The following SORBS3 variants were observed in gnomAD, a reference collection of about 807,000 sequenced individuals.
SORBS3 encodes sorbin and SH3 domain containing 3.
A neutral mutation model predicts 98.0 loss-of-function variants in SORBS3; 69 were observed. The ratio of observed to expected loss-of-function variants is 0.70; its 90% CI spans 0.58 to 0.86. The LOEUF (loss-of-function observed/expected upper bound fraction) is 0.86, where lower values mean the gene tolerates loss of function less well. Among genes scored for constraint, SORBS3 ranks in the 40% least tolerant of loss-of-function variants. The probability of loss-of-function intolerance (pLI) is 0.00; values close to 1 mark genes in which losing one functional copy is unlikely to be tolerated. For synonymous variants in SORBS3, 394 were observed against 355.4 expected, an observed-to-expected ratio of 1.11 and a Z score of -1.22; for missense variants, 954 against 908.5, an observed-to-expected ratio of 1.05 and a Z score of -0.64.
intron 5 of SORBS3, 139 bp from the exon 6 acceptor site, chr8:22,561,196 C>G (rs1840287485): frequency 3.8e-6 from 3 of 795,960 alleles, no homozygotes; most frequent in African/African-American, 3.5e-5. Context: ...CCTTCCCTCC[C>G]TTGGGACATT....
chr8:22,551,846 C>A (rs993439037), upstream of SORBS3: 5 of 985,688 alleles, frequency 5.1e-6, no homozygotes, highest in East Asian at 5.7e-4. This position sits in a 1 kb window ranked among gnomAD's most constrained non-coding sequence, Gnocchi z 5.8. Context: ...CGGCCTCCCT[C>A]TTCCTGCGCC....
intron 20 of SORBS3, chr8:22,573,511 T>A: frequency 2.3e-6 from 1 of 435,484 alleles, no homozygotes; most frequent in Non-Finnish European, 4.6e-6. Context: ...CACAGGCACA[T>A]CTCAAGTGCC....
chr8:22,574,824 A>G lies in SORBS3; in HGVS notation c.*96A>G. On this transcript the variant is annotated 3_prime_UTR_variant, in exon 21 of 21. Coordinates refer to ENST00000240123, the MANE Select transcript of SORBS3 (RefSeq NM_005775.5). Reference sequence around the variant, plus strand: ...ACCCCCGCCCACATCCTCCTTCCCCAGGACCTGAGCTCCCAGCATCTGCAG... The same window carrying G: ...ACCCCCGCCCACATCCTCCTTCCCCGGGACCTGAGCTCCCAGCATCTGCAG... 1 of 1,222,092 alleles carries G rather than the reference A, an allele frequency of 8.2e-7. No homozygotes were observed. The highest frequency in any genetic ancestry group is 1.2e-6 in the Non-Finnish European group (1 of 827,438). 75.7% of individuals were successfully genotyped at this position (1,222,092 alleles called of 1,614,324 possible). A position where few individuals can be genotyped will look rare whatever the true frequency, so the allele number is the denominator to read the frequency against.
rs373130093 is a variant in SORBS3, at chr8:22,556,904, G to C, written c.410G>C (p.Arg137Pro). 2 of 1,612,558 alleles carry C rather than the reference G, an allele frequency of 1.2e-6. No individual in the cohort carries two copies. Among genetic ancestry groups the C allele is most frequent in the African/African-American group, 2.7e-5 (2 of 75,052 alleles). Reference protein sequence around the residue: ...VDESGMPIAPRSSVDRPRDWY... With the variant: ...VDESGMPIAPPSSVDRPRDWY... ...GAGAGCGGCATGCCCATTGCCCCCC[G>C]ATCCGTGAGTCCAGGGCTGGGGGCC... is the stretch of plus-strand genomic sequence containing the variant. Residue 137 changes from arginine to proline, a missense_variant, in exon 4 of 21, where the codon CGA (arginine) becomes CCA (proline). Transcript: ENST00000240123.
intron 8 of SORBS3, 51 bp from the exon 9 acceptor site, chr8:22,564,232 A>G (rs1457938868): frequency 6.5e-7 from 1 of 1,531,184 alleles, no homozygotes; most frequent in African/African-American, 1.4e-5. Context: ...GAGCCTGGCC[A>G]GTGTCCCAGT....
At chr8:22,573,544 G>A in intron 20 of SORBS3, 1 of 407,306 alleles carries the variant, frequency 2.5e-6, no homozygotes, top group South Asian at 1.7e-5. Flanking sequence ...GTGGCGAGTG[G>A]TGCCCATTTT....
intron 3 of SORBS3, 42 bp downstream of exon 3, chr8:22,555,022 G>A (rs1462818838): frequency 1.3e-6 from 2 of 1,528,648 alleles, no homozygotes; most frequent in East Asian, 4.5e-5. Context: ...TGGAGGGTCA[G>A]GGCCCTGCCA....
intron 1 of SORBS3, among the ~76,000 whole-genome samples, chr8:22,553,331 AC>A (rs1386261284): frequency 2.0e-5 from 3 of 151,964 alleles, no homozygotes; most frequent in African/African-American, 4.8e-5. Context: ...GCCCCCAAGG[AC>A]CCCACAGGCA....
At chr8:22,561,992 G>T in intron 7 of SORBS3, 61 bp downstream of exon 7, 5 of 1,528,210 alleles carry the variant, frequency 3.3e-6, no homozygotes, top group Non-Finnish European at 4.5e-6. Flanking sequence ...GACACCATGG[G>T]ACGGGCGCCC....
chr8:22,571,290 G>T, intron 18 of SORBS3, 69 bp downstream of exon 18: 1 of 905,698 alleles, frequency 1.1e-6, no homozygotes, highest in Non-Finnish European at 1.7e-6. Flanking sequence ...CCCGTGACTT[G>T]TCCACACTTG....
intron 5 of SORBS3, 68 bp downstream of exon 5, chr8:22,558,260 G>C: frequency 6.7e-7 from 1 of 1,492,980 alleles, no homozygotes; most frequent in Non-Finnish European, 9.3e-7. Flanking sequence ...TGGAGAGACA[G>C]GGAAAGAAAA....
chr8:22,555,056 G>A (rs1048787104), intron 3 of SORBS3, 76 bp downstream of exon 3: 47 of 1,253,372 alleles, frequency 3.7e-5, no homozygotes, highest in Middle Eastern at 1.9e-4. Context: ...TGTGTCAAGC[G>A]GGAGGGGCAG....
intron 3 of SORBS3, among the ~76,000 whole-genome samples, chr8:22,555,530 C>T (rs143249606): frequency 2.6e-5 from 4 of 152,340 alleles, no homozygotes; most frequent in African/African-American, 9.6e-5. Flanking sequence ...ATTATCCAGC[C>T]TGGGCAACAT....
Position 22,574,850 on chromosome 8 carries a change from A to G in SORBS3, c.*122A>G. On this transcript the variant is annotated 3_prime_UTR_variant, in exon 21 of 21. Coordinates refer to ENST00000240123, the MANE Select transcript of SORBS3 (RefSeq NM_005775.5). ...GGACCTGAGCTCCCAGCATCTGCAG[A>G]CGACCCCCGCAGCCTTTCCCTCGGA... The G allele has an allele frequency of 1.0e-6, 1 of 962,822 alleles. No homozygotes were observed. Among genetic ancestry groups the G allele is most frequent in the South Asian group, 1.3e-5 (1 of 77,630 alleles). The allele number at this position is 962,822 out of a possible 1,614,324, so 59.6% of individuals were successfully genotyped here. A position where few individuals can be genotyped will look rare whatever the true frequency, so the allele number is the denominator to read the frequency against.
At chr8:22,553,971 G>A (rs574114517) in intron 1 of SORBS3, among the ~76,000 whole-genome samples, 7 of 152,324 alleles carry the variant, frequency 4.6e-5, no homozygotes, top group Admixed American at 2.0e-4. Context: ...GGCAGTGGGC[G>A]GGTGGCTGAG....
intron 20 of SORBS3, among the ~76,000 whole-genome samples, chr8:22,573,001 T>C (rs1840629601): frequency 6.6e-6 from 1 of 152,212 alleles, no homozygotes; most frequent in Admixed American, 6.5e-5. Flanking sequence ...GGGCGGGCCC[T>C]GTGCAGGTCT....
At chr8:22,557,003 G>C (rs780801021) in intron 4 of SORBS3, 95 bp downstream of exon 4, 46 of 1,387,940 alleles carry the variant, frequency 3.3e-5, no homozygotes, top group Non-Finnish European at 4.4e-5. Context: ...GGCAATAAAG[G>C]CCGCACCCAA....
intron 10 of SORBS3, 132 bp downstream of exon 10, chr8:22,564,653 T>A: frequency 7.1e-7 from 1 of 1,409,062 alleles, no homozygotes; most frequent in Non-Finnish European, 9.6e-7. Flanking sequence ...TTTATTTCTG[T>A]AATGCCAGCA....
chr8:22,570,812 G>C, intron 17 of SORBS3, 98 bp from the exon 18 acceptor site: 1 of 1,099,614 alleles, frequency 9.1e-7, no homozygotes, highest in Non-Finnish European at 1.3e-6. Context: ...CCCCTCGTGT[G>C]TCCAAGGTGT....
Sources: allele counts gnomAD v4.1 joint callset (sites outside exome capture counted in the v4.1 genomes callset), GRCh38; gene constraint gnomAD v4.1.1; non-coding constraint Gnocchi (gnomAD v3.1); transcripts MANE v1.5; gene names NCBI Gene and HGNC (gene_info 2026-07-23, HGNC 2026-07-21).